The following TRIM34 variants were observed in gnomAD, a reference collection of about 807,000 sequenced individuals.
TRIM34 encodes tripartite motif containing 34.
Under a neutral mutation model 38.1 loss-of-function variants are expected in TRIM34, and 41 were observed. The ratio of observed to expected loss-of-function variants is 1.08; its 90% confidence interval spans 0.84 to 1.40. TRIM34 has a LOEUF of 1.40. TRIM34 is among the 40% of genes most tolerant of loss of function. TRIM34 has a pLI of 0.00. For synonymous variants in TRIM34, 200 were observed against 202.5 expected, an observed-to-expected ratio of 0.99 and a Z score of 0.10; for missense variants, 556 against 571.4, an observed-to-expected ratio of 0.97 and a Z score of 0.27.
At chr11:5,631,062 T>G (rs1849462136) in intron 1 of TRIM34, among the ~76,000 whole-genome samples, 1 of 152,220 alleles carries the variant, frequency 6.6e-6, no homozygotes, top group Non-Finnish European at 1.5e-5. Flanking sequence ...GCCATCTCCT[T>G]GCTATTTCTA....
intron 1 of TRIM34, among the ~76,000 whole-genome samples, chr11:5,626,144 T>G (rs144554376): frequency 6.6e-6 from 1 of 152,352 alleles, no homozygotes; most frequent in Admixed American, 6.5e-5. Context: ...ACATACTGAC[T>G]GTCTCCCAGA....
At chr11:5,636,007 C>T (rs1849718498) in intron 4 of TRIM34, among the ~76,000 whole-genome samples, 1 of 152,220 alleles carries the variant, frequency 6.6e-6, no homozygotes, top group Non-Finnish European at 1.5e-5. Context: ...AGAGAGTTCT[C>T]ATGTGGCCTA....
rs761078882 is a variant in TRIM34 at position 5,643,312 on chromosome 11, A to G, written c.1070A>G (p.Lys357Arg). The change falls in exon 8 of 8, where the codon AAG becomes AGG. Residue 357 changes from lysine to arginine, a missense_variant. Physicochemically the swap from Lys to Arg is conservative, Grantham distance 26. Transcript: ENST00000429814. The stretch of plus-strand genomic sequence containing the variant: ...CATTACTGGGAAGTGGACGTGTCCA[A>G]GAAAACTGCCTGGATCCTGGGGGTA... ...GKHYWEVDVSKKTAWILGVYC... is the reference protein window; with the variant it reads ...GKHYWEVDVSRKTAWILGVYC... 4.3e-6 allele frequency: 7 copies of G among 1,613,958 alleles called. No homozygotes were observed. The highest frequency in any genetic ancestry group is 2.7e-5 in the African/African-American group (2 of 74,906).
intron 1 of TRIM34, among the ~76,000 whole-genome samples, chr11:5,630,298 C>T (rs1417284990): frequency 6.6e-6 from 1 of 151,942 alleles, no homozygotes; most frequent in Non-Finnish European, 1.5e-5. Flanking sequence ...ACCTTTTTTT[C>T]CCCCACATGT....
intron 2 of TRIM34, 65 bp downstream of exon 2, chr11:5,632,819 A>G (rs748071130): frequency 1.8e-5 from 23 of 1,280,576 alleles, no homozygotes; most frequent in Non-Finnish European, 2.2e-5. Flanking sequence ...TCACCTTTTC[A>G]TCCTTTTTTT....
At position 5,643,506 on chromosome 11, in the gene TRIM34, T is replaced by G; in HGVS notation, c.1264T>G (p.Leu422Val). ...GTCTTTGTCCTCTGATCCCGAGGTT[T>G]TGACTCTCTCCATGGCTGTGCCTCC... Reference protein sequence around the residue: ...EESLSSDPEVLTLSMAVPPCR... With the variant: ...EESLSSDPEVVTLSMAVPPCR... Residue 422 changes from leucine (L) to valine (V), a missense_variant, in exon 8 of 8, where the codon TTG becomes GTG. By Grantham distance (32) the Leu-to-Val change is conservative. Coordinates refer to ENST00000429814, the MANE Select transcript of TRIM34 (RefSeq NM_021616.6). 1 of 1,614,218 alleles carries G rather than the reference T, an allele frequency of 6.2e-7. No individual in the cohort carries two copies. The highest frequency in any genetic ancestry group is 1.1e-5 in the South Asian group (1 of 91,088).
intron 4 of TRIM34, among the ~76,000 whole-genome samples, chr11:5,637,717 G>A (rs1171758227): frequency 6.6e-6 from 1 of 152,032 alleles, no homozygotes; most frequent in Non-Finnish European, 1.5e-5. Flanking sequence ...AACTGAAACT[G>A]TACCCATTAA....
chr11:5,638,878 G>A (rs1849860241), intron 4 of TRIM34, among the ~76,000 whole-genome samples: 2 of 152,126 alleles, frequency 1.3e-5, no homozygotes, highest in African/African-American at 4.8e-5. Flanking sequence ...GAAGGTCAGA[G>A]TAACTATCAG....
upstream of TRIM34, among the ~76,000 whole-genome samples, chr11:5,621,614 T>C (rs2133894915): frequency 6.6e-6 from 1 of 152,262 alleles, no homozygotes; most frequent in East Asian, 1.9e-4. Flanking sequence ...ATGTTGGTAG[T>C]ATGAAAGGAA....
intron 5 of TRIM34, among the ~76,000 whole-genome samples, chr11:5,641,838 G>A (rs541300255): frequency 2.2e-4 from 34 of 152,236 alleles, no homozygotes; most frequent in Middle Eastern, 3.4e-3. Flanking sequence ...ACCATTTTTA[G>A]TTAGGTTGTC....
At chr11:5,634,976 T>A (rs1183645558) in intron 4 of TRIM34, 115 bp downstream of exon 4, 3 of 1,089,178 alleles carry the variant, frequency 2.8e-6, no homozygotes, top group East Asian at 5.3e-5. Flanking sequence ...TGCCGCCTTG[T>A]CGTCCATTCT....
At chr11:5,642,706 C>T (rs779219563) in intron 6 of TRIM34, 111 bp from the exon 7 acceptor site, 49 of 1,484,268 alleles carry the variant, frequency 3.3e-5, no homozygotes, top group Non-Finnish European at 4.5e-5. Flanking sequence ...AATTCACTAG[C>T]TCACAGCTTC....
intron 1 of TRIM34, among the ~76,000 whole-genome samples, chr11:5,629,832 C>G (rs771092783): frequency 6.6e-6 from 1 of 152,154 alleles, no homozygotes. Flanking sequence ...CTTAGCCTCC[C>G]GAGTAGCTGG....
At chr11:5,641,122 C>G (rs1849992015) in intron 4 of TRIM34, 45 bp from the exon 5 acceptor site, 2 of 1,599,778 alleles carry the variant, frequency 1.3e-6, no homozygotes, top group South Asian at 1.1e-5. Context: ...TAGTCTTACA[C>G]CAGTCTTTAT....
Position 5,634,970 on chromosome 11 carries a change from G to T in TRIM34, c.750+109G>T, listed in dbSNP as rs138203310. The T allele has an allele frequency of 6.2e-4, 737 of 1,184,538 alleles. 5 individuals carry two copies. In the African/African-American group the frequency reaches 9.7e-3, roughly 16 times the overall value. 73.4% of individuals were successfully genotyped at this position (1,184,538 alleles called of 1,614,324 possible). On this transcript the variant is annotated intron_variant, in intron 4 of 7. Coordinates refer to ENST00000429814, the MANE Select transcript of TRIM34 (RefSeq NM_021616.6). The stretch of plus-strand genomic sequence containing the variant: ...GGGGTTTCTTTGGCCTTGCAGTGCC[G>T]CCTTGTCGTCCATTCTAGATGTCAT...
chr11:5,639,438 TGGGAGACCGAAGA>T (rs1318199781), intron 4 of TRIM34, among the ~76,000 whole-genome samples: 1 of 152,002 alleles, frequency 6.6e-6, no homozygotes, highest in Non-Finnish European at 1.5e-5. Flanking sequence ...CCCAGCACTT[TGGGAGACCGAAGA>T]GGGCGGATCA....
Position 5,644,073 on chromosome 11 carries a change from A to G in TRIM34, c.*364A>G, listed in dbSNP as rs1054110778. On this transcript the variant is annotated 3_prime_UTR_variant, in exon 8 of 8. Transcript: ENST00000429814. ...AGGAACCACCCCCATGACCACCACC[A>G]ACATCAACTAAAGGTTCTTGGAGGG... The G allele has an allele frequency of 2.4e-6, 1 of 413,832 alleles. No individual in the cohort carries two copies. Among genetic ancestry groups the G allele is most frequent in the Non-Finnish European group, 4.2e-6 (1 of 236,070 alleles). The allele number at this position is 413,832 out of a possible 1,614,324, so 25.6% of individuals were successfully genotyped here. A position where few individuals can be genotyped will look rare whatever the true frequency, so the allele number is the denominator to read the frequency against.
rs768900246 is a variant in TRIM34 at position 5,643,574 on chromosome 11, C to A, written c.1332C>A (p.Val444=). The A allele has an allele frequency of 6.2e-7, 1 of 1,614,170 alleles. No homozygotes were observed. The highest frequency in any genetic ancestry group is 8.5e-7 in the Non-Finnish European group (1 of 1,180,014). ...GVFLDYEAGI[V]SFFNVTSHGS... ...TCCTCGACTATGAAGCAGGCATTGT[C>A]TCATTTTTCAATGTCACAAGCCATG... The change falls in exon 8 of 8, where the codon GTC becomes GTA. Residue 444 remains valine, a synonymous_variant. Coordinates refer to ENST00000429814, the MANE Select transcript of TRIM34 (RefSeq NM_021616.6).
chr11:5,638,266 C>G (rs1252707223), intron 4 of TRIM34, among the ~76,000 whole-genome samples: 1 of 152,182 alleles, frequency 6.6e-6, no homozygotes, highest in Non-Finnish European at 1.5e-5. Context: ...CAACTAAAAT[C>G]TGAGAATACA....
Sources: allele counts gnomAD v4.1 joint callset (sites outside exome capture counted in the v4.1 genomes callset), GRCh38; gene constraint gnomAD v4.1.1; transcripts MANE v1.5; gene names NCBI Gene and HGNC (gene_info 2026-07-23, HGNC 2026-07-21).